The following INTS4 variants were observed in gnomAD, a reference collection of about 807,000 sequenced individuals.
The protein encoded by INTS4 is integrator complex subunit 4.
A neutral mutation model predicts 119.5 loss-of-function variants in INTS4; 70 were observed. The observed-to-expected ratio is 0.59, with a 90% confidence interval of 0.48 to 0.71. The LOEUF (loss-of-function observed/expected upper bound fraction) is 0.71. Ranked by LOEUF, INTS4 falls within the 30% of genes least tolerant of loss-of-function variation. INTS4 has a pLI of 0.00. For missense variants in INTS4, 867 were observed against 1,173.2 expected (o/e 0.74, Z 3.81); for synonymous variants, 316 against 419.6 (o/e 0.75, Z 3.02).
rs1565297096 is a variant in INTS4 at position 77,991,238 on chromosome 11, A to C, written c.116T>G (p.Leu39Arg). 1 of 1,613,968 alleles carries C rather than the reference A, an allele frequency of 6.2e-7. No homozygotes were observed. ...GGTAGCTTTACACAGATCTATGTGG[A>C]GTGCTGCAGATTTACTTGGTTTTGT... is the stretch of plus-strand genomic sequence containing the variant. ...RLTKPSKSAA[L>R]HIDLCKATSP... Residue 39 changes from leucine (L) to arginine (R), a missense_variant, in exon 2 of 23, where the codon CTC (leucine) becomes CGC (arginine). Physicochemically the swap from Leu to Arg is moderately radical, Grantham distance 102. Around this residue, in one of 5 missense-constraint regions of INTS4, gnomAD observed 224 missense variants for 231.8 expected, o/e 0.97. Coordinates refer to ENST00000534064, the MANE Select transcript of INTS4 (RefSeq NM_033547.4).
intron 17 of INTS4, among the ~76,000 whole-genome samples, chr11:77,902,311 T>C (rs888310215): frequency 9.9e-5 from 15 of 152,160 alleles, no homozygotes; most frequent in Non-Finnish European, 5.9e-5. Flanking sequence ...GTATCTGGTA[T>C]ACAGCAATGG....
intron 21 of INTS4, 60 bp from the exon 22 acceptor site, chr11:77,884,012 T>G (rs1951892559): frequency 4.5e-6 from 7 of 1,550,690 alleles, no homozygotes; most frequent in Non-Finnish European, 6.2e-6. Flanking sequence ...ACAAAATGGA[T>G]GATGACATCT....
intron 15 of INTS4, chr11:77,918,144 A>G (rs1953247545): frequency 1.4e-6 from 1 of 701,514 alleles, no homozygotes; most frequent in East Asian, 2.7e-5. Flanking sequence ...AGAAAGAATG[A>G]GCCTAGGCCG....
At chr11:77,933,603 G>A (rs1487619614) in intron 10 of INTS4, among the ~76,000 whole-genome samples, 3 of 152,140 alleles carry the variant, frequency 2.0e-5, no homozygotes, top group Non-Finnish European at 4.4e-5. Flanking sequence ...GCCTGCCCTG[G>A]CCTCCCAAAG....
intron 12 of INTS4, among the ~76,000 whole-genome samples, chr11:77,923,469 T>C (rs1953416420): frequency 6.6e-6 from 1 of 152,160 alleles, no homozygotes; most frequent in African/African-American, 2.4e-5. Context: ...CAGATTGTCT[T>C]TTTTATTTGT....
intron 8 of INTS4, among the ~76,000 whole-genome samples, chr11:77,949,181 C>T (rs1452783665): frequency 6.6e-6 from 1 of 152,066 alleles, no homozygotes; most frequent in East Asian, 1.9e-4. Flanking sequence ...TGGAGGACAT[C>T]ATGTAAAGTG....
chr11:77,944,327 C>T (rs866514452), intron 8 of INTS4, among the ~76,000 whole-genome samples: 1 of 152,178 alleles, frequency 6.6e-6, no homozygotes, highest in Admixed American at 6.5e-5. Context: ...AACATTACCC[C>T]CGCAACTAGA....
intron 15 of INTS4, among the ~76,000 whole-genome samples, chr11:77,911,823 C>T (rs1953093636): frequency 6.6e-6 from 1 of 152,108 alleles, no homozygotes; most frequent in Non-Finnish European, 1.5e-5. Flanking sequence ...CTCACTTAAT[C>T]CTCACAATAT....
intron 15 of INTS4, chr11:77,914,918 C>G (rs1167707440): frequency 6.4e-6 from 1 of 157,418 alleles, no homozygotes; most frequent in Non-Finnish European, 1.4e-5. Flanking sequence ...AAAAATAATT[C>G]AGTTTTCCCT....
intron 7 of INTS4, among the ~76,000 whole-genome samples, chr11:77,957,440 C>T (rs1299451725): frequency 1.3e-5 from 2 of 151,486 alleles, no homozygotes; most frequent in African/African-American, 4.9e-5. Context: ...ATTCCAGCTA[C>T]TTGGGAGGCT....
At chr11:77,973,909 T>G (rs1855835680) in intron 4 of INTS4, among the ~76,000 whole-genome samples, 1 of 152,206 alleles carries the variant, frequency 6.6e-6, no homozygotes, top group Admixed American at 6.5e-5. Context: ...TTTCGTTTCT[T>G]GTGATGTCTT....
chr11:77,886,860 A>T (rs1346841192), intron 21 of INTS4, among the ~76,000 whole-genome samples: 1 of 152,204 alleles, frequency 6.6e-6, no homozygotes, highest in Non-Finnish European at 1.5e-5. Flanking sequence ...TGGGTACATA[A>T]CGAAATGAAG....
chr11:77,980,514 G>T (rs181772066), intron 3 of INTS4, among the ~76,000 whole-genome samples: 2 of 152,026 alleles, frequency 1.3e-5, no homozygotes, highest in Admixed American at 6.6e-5. Flanking sequence ...CAAGCAGCTG[G>T]GATAAAGGTG....
chr11:77,919,476 G>A (rs1487264073), intron 14 of INTS4, among the ~76,000 whole-genome samples: 1 of 152,110 alleles, frequency 6.6e-6, no homozygotes, highest in African/African-American at 2.4e-5. Context: ...AGTAGAGACA[G>A]GGTTTCTCCA....
At chr11:77,927,151 G>A (rs561064923) in intron 11 of INTS4, among the ~76,000 whole-genome samples, 2 of 152,246 alleles carry the variant, frequency 1.3e-5, no homozygotes, top group East Asian at 3.9e-4. Context: ...GTAGGAAAGT[G>A]ACTTCAGCAT....
In INTS4 at chr11:77,883,934, G is replaced by A. The variant is rs1951889006; in HGVS notation, c.2611C>T (p.Gln871Ter). ...VKVQVLYPDG[Q>*]AQMIHPKPAD... ...GGCTTGGGGTGAATCATCTGAGCCTGGCCATCTGGATATAAGACCTAAAGG... is the reference window on the plus strand; with the variant it reads ...GGCTTGGGGTGAATCATCTGAGCCTAGCCATCTGGATATAAGACCTAAAGG... The change falls in exon 22 of 23, where the codon CAG becomes TAG. Residue 871 changes from glutamine to a stop codon, truncating the protein, a stop_gained. Transcript: ENST00000534064. LOFTEE classifies it high-confidence loss of function. 1.2e-6 allele frequency: 2 copies of A among 1,613,154 alleles called. No individual in the cohort carries two copies. Among genetic ancestry groups the A allele is most frequent in the Non-Finnish European group, 1.7e-6 (2 of 1,179,592 alleles).
At chr11:77,968,259 T>C (rs1008127929) in intron 4 of INTS4, among the ~76,000 whole-genome samples, 1 of 152,174 alleles carries the variant, frequency 6.6e-6, no homozygotes, top group African/African-American at 2.4e-5. Flanking sequence ...TTTACTTCAG[T>C]GGGAAAATGG....
chr11:77,918,682 T>C, intron 15 of INTS4, 139 bp downstream of exon 15: 2 of 1,163,106 alleles, frequency 1.7e-6, no homozygotes, highest in East Asian at 2.6e-5. Context: ...AATCCAAATA[T>C]AAACAGACCA....
intron 4 of INTS4, among the ~76,000 whole-genome samples, chr11:77,973,879 A>C (rs572181162): frequency 6.6e-6 from 1 of 152,202 alleles, no homozygotes; most frequent in Non-Finnish European, 1.5e-5. Context: ...ATCCACATTC[A>C]TAAGTCACTG....
Sources: allele counts gnomAD v4.1 joint callset (sites outside exome capture counted in the v4.1 genomes callset), GRCh38; gene constraint gnomAD v4.1.1; regional missense constraint gnomAD v4.1.1; transcripts MANE v1.5; gene names NCBI Gene and HGNC (gene_info 2026-07-23, HGNC 2026-07-21).